ITFG1: variants seen among roughly 807,000 people sequenced by gnomAD.
ITFG1 encodes integrin alpha FG-GAP repeat containing 1.
A neutral mutation model predicts 81.8 loss-of-function variants in ITFG1; 34 were observed. That is an observed-to-expected ratio of 0.42 (90% CI 0.32 to 0.55). The LOEUF is 0.55. ITFG1 is among the 20% of genes least tolerant of loss of function. The pLI is 0.17. For synonymous variants in ITFG1, 285 were observed against 270.6 expected, an observed-to-expected ratio of 1.05 and a Z score of -0.52; for missense variants, 672 against 755.4, an observed-to-expected ratio of 0.89 and a Z score of 1.29.
At position 47,288,146 on chromosome 16, in the gene ITFG1, C is replaced by T. The variant is rs184805174; in HGVS notation, c.1070+23094G>A. Among the ~76,000 whole-genome samples the T allele has an allele frequency of 3.3e-5, 5 of 152,316 alleles. No individual in the cohort carries two copies. The East Asian group carries it at 9.6e-4, about 29-fold the overall frequency. ...TATCTTAAGTAACAACTATTCTACT[C>T]TCTACTTCTGAGATAAACTATTTTA... On this transcript the variant is annotated intron_variant, in intron 10 of 17. Coordinates refer to ENST00000320640, the MANE Select transcript of ITFG1 (RefSeq NM_030790.5).
intron 12 of ITFG1, among the ~76,000 whole-genome samples, chr16:47,244,430 T>C (rs761317799): frequency 2.6e-4 from 39 of 152,200 alleles, no homozygotes; most frequent in Non-Finnish European, 4.9e-4. Flanking sequence ...TCAGAATTGA[T>C]TGATTGGTTG....
At chr16:47,163,167 G>A (rs575583184) in intron 14 of ITFG1, among the ~76,000 whole-genome samples, 4 of 152,224 alleles carry the variant, frequency 2.6e-5, no homozygotes, top group South Asian at 2.1e-4. Context: ...CACATCACCC[G>A]TTTAAAGTGT....
At chr16:47,241,752 G>A (rs1394858995) in intron 12 of ITFG1, among the ~76,000 whole-genome samples, 4 of 152,002 alleles carry the variant, frequency 2.6e-5, no homozygotes, top group African/African-American at 7.3e-5. Context: ...TCAGGAAATC[G>A]AGACCATCCT....
chr16:47,159,107 C>G, intron 16 of ITFG1, 117 bp from the exon 17 acceptor site: 1 of 467,196 alleles, frequency 2.1e-6, no homozygotes, highest in South Asian at 5.2e-5. Flanking sequence ...ATTCATTAAA[C>G]CATTCATTCA....
At chr16:47,398,493 G>T (rs1968619948) in intron 6 of ITFG1, among the ~76,000 whole-genome samples, 1 of 152,186 alleles carries the variant, frequency 6.6e-6, no homozygotes, top group African/African-American at 2.4e-5. Flanking sequence ...TAGCTGCTCT[G>T]TAAGTTTGTT....
chr16:47,178,615 T>G (rs1314336742), intron 14 of ITFG1, among the ~76,000 whole-genome samples: 4 of 152,128 alleles, frequency 2.6e-5, no homozygotes, highest in Admixed American at 2.0e-4. Flanking sequence ...CCTAAAACCA[T>G]AAAAACCCTA....
chr16:47,311,358 G>A lies in ITFG1; in HGVS notation c.952C>T (p.Pro318Ser), dbSNP rs1470356667. The change falls in exon 10 of 18, where the codon CCA becomes TCA. Residue 318 changes from proline to serine, a missense_variant. By Grantham distance (74) the Pro-to-Ser change is moderately conservative. This residue lies in a region of ITFG1 where 560 missense variants were observed against 625.7 expected (regional missense o/e 0.90). Coordinates refer to ENST00000320640, the MANE Select transcript of ITFG1 (RefSeq NM_030790.5). ...GTTGGTTGCTGTTCATCCACAAATG[G>A]CACAAAGCCCCAGAGTGTGCCCTTA... Reference protein sequence around the residue: ...SNKGTLWGFVPFVDEQQPTEI... With the variant: ...SNKGTLWGFVSFVDEQQPTEI... 6.2e-7 allele frequency: 1 copy of A among 1,613,710 alleles called. No homozygotes were observed. Among genetic ancestry groups the A allele is most frequent in the East Asian group, 2.2e-5 (1 of 44,858 alleles).
At chr16:47,330,000 G>C (rs1046847688) in intron 8 of ITFG1, among the ~76,000 whole-genome samples, 1 of 152,106 alleles carries the variant, frequency 6.6e-6, no homozygotes, top group Admixed American at 6.6e-5. Context: ...TTTGGGCAGG[G>C]ATAGGTTACA....
chr16:47,421,220 A>G (rs920369402), intron 6 of ITFG1, among the ~76,000 whole-genome samples: 5 of 150,610 alleles, frequency 3.3e-5, no homozygotes, highest in African/African-American at 1.2e-4. Context: ...CTAAAAACGT[A>G]TGTGTGTGTG....
At chr16:47,382,624 C>G (rs926529929) in intron 6 of ITFG1, among the ~76,000 whole-genome samples, 1 of 126,634 alleles carries the variant, frequency 7.9e-6, no homozygotes, top group South Asian at 2.5e-4. Context: ...TGTCTTCCGT[C>G]GTCAGTGAAA....
At chr16:47,422,039 T>C (rs1171829118) in intron 6 of ITFG1, among the ~76,000 whole-genome samples, 1 of 152,216 alleles carries the variant, frequency 6.6e-6, no homozygotes, top group Non-Finnish European at 1.5e-5. Flanking sequence ...CAGTATTCCA[T>C]GGTGTATATA....
intron 10 of ITFG1, among the ~76,000 whole-genome samples, chr16:47,276,415 G>A (rs1206771745): frequency 6.6e-6 from 1 of 152,084 alleles, no homozygotes; most frequent in Non-Finnish European, 1.5e-5. Flanking sequence ...GTTATGGAAT[G>A]GAAGATTCAA....
At chr16:47,184,206 A>C (rs1443242681) in intron 14 of ITFG1, among the ~76,000 whole-genome samples, 1 of 152,248 alleles carries the variant, frequency 6.6e-6, no homozygotes, top group Non-Finnish European at 1.5e-5. Flanking sequence ...AACATTCTGC[A>C]GGATATTATC....
chr16:47,170,683 C>T (rs894609413), intron 14 of ITFG1, among the ~76,000 whole-genome samples: 7 of 150,566 alleles, frequency 4.6e-5, no homozygotes, highest in African/African-American at 1.7e-4. Context: ...GCGCCTGCCT[C>T]AGCCTCCCAA....
intron 2 of ITFG1, among the ~76,000 whole-genome samples, chr16:47,455,586 T>C (rs1049822304): frequency 1.3e-4 from 19 of 151,764 alleles, no homozygotes; most frequent in Middle Eastern, 3.4e-3. Context: ...CTGGCCAACA[T>C]TGCAAAACCC....
intron 8 of ITFG1, among the ~76,000 whole-genome samples, chr16:47,321,683 C>G (rs1967450665): frequency 6.6e-6 from 1 of 152,028 alleles, no homozygotes; most frequent in Admixed American, 6.6e-5. Context: ...CTGGACAACA[C>G]AGCAAGACTC....
At chr16:47,417,743 T>C (rs1400804982) in intron 6 of ITFG1, among the ~76,000 whole-genome samples, 2 of 152,316 alleles carry the variant, frequency 1.3e-5, no homozygotes, top group East Asian at 3.9e-4. Flanking sequence ...TATGATTCCA[T>C]TGTGTATATA....
intron 6 of ITFG1, among the ~76,000 whole-genome samples, chr16:47,393,726 G>C (rs1567484638): frequency 1.3e-5 from 2 of 150,514 alleles, no homozygotes; most frequent in Non-Finnish European, 3.0e-5. Context: ...GCAAAACTCT[G>C]TCTAAAAAAA....
intron 8 of ITFG1, among the ~76,000 whole-genome samples, chr16:47,323,383 T>C (rs1967478265): frequency 6.6e-6 from 1 of 152,114 alleles, no homozygotes; most frequent in Admixed American, 6.6e-5. Context: ...GCTACCACAT[T>C]AGCAGGCTCA....
Sources: gnomAD v4.1 joint callset for allele counts (sites outside exome capture counted in the v4.1 genomes callset) on GRCh38, gnomAD v4.1.1 for gene constraint, gnomAD v4.1.1 regional missense constraint, MANE v1.5 for transcripts, NCBI Gene and HGNC (gene_info 2026-07-23, HGNC 2026-07-21) for gene names.